The following NRF1 variants were observed in gnomAD, a reference collection of about 807,000 sequenced individuals.
The protein encoded by NRF1 is nuclear respiratory factor 1, also known as alpha palindromic-binding protein.
Under a neutral mutation model 58.5 loss-of-function variants are expected in NRF1, and 5 were observed. That is an observed-to-expected ratio of 0.09 (90% CI 0.04 to 0.18). The LOEUF (loss-of-function observed/expected upper bound fraction) is 0.18, where lower values mean the gene tolerates loss of function less well. NRF1 is among the 10% of genes least tolerant of loss of function. The pLI is 1.00. For synonymous variants in NRF1, 224 were observed against 246.7 expected (o/e 0.91, Z 0.86); for missense variants, 288 against 657.7 (o/e 0.44, Z 6.15).
intron 5 of NRF1, among the ~76,000 whole-genome samples, chr7:129,700,216 C>T (rs1254353929): frequency 1.3e-5 from 2 of 151,620 alleles, no homozygotes; most frequent in African/African-American, 2.4e-5. Context: ...CTAAATGGTA[C>T]ATGTTAAAAT....
At chr7:129,689,101 A>T (rs1470283256) in intron 4 of NRF1, among the ~76,000 whole-genome samples, 5 of 152,194 alleles carry the variant, frequency 3.3e-5, no homozygotes, top group Non-Finnish European at 5.9e-5. Context: ...CCAGGATACA[A>T]CTGAATCTCT....
intron 4 of NRF1, among the ~76,000 whole-genome samples, chr7:129,681,574 T>A (rs141549124): frequency 1.3e-5 from 2 of 152,212 alleles, no homozygotes; most frequent in African/African-American, 4.8e-5. Flanking sequence ...AGTATTTATT[T>A]ATTAATTTAT....
Position 129,700,319 on chromosome 7 carries a change from A to C in NRF1, c.607-8756A>C, listed in dbSNP as rs1169002611. Among the ~76,000 whole-genome samples, 3 of 152,160 alleles carry C rather than the reference A, an allele frequency of 2.0e-5. No individual in the cohort carries two copies. In the East Asian group the frequency reaches 5.8e-4, roughly 29 times the overall value. On this transcript the variant is annotated intron_variant, in intron 5 of 10. Transcript: ENST00000393232. ...AGTATTTTAGTTTGGTGGTTCTCAA[A>C]ATTGGCTGCATAGTAGAGTCACCTA...
At chr7:129,640,845 C>G (rs1400935615) in intron 1 of NRF1, among the ~76,000 whole-genome samples, 1 of 152,156 alleles carries the variant, frequency 6.6e-6, no homozygotes, top group East Asian at 1.9e-4. Context: ...AAGTCTTAAG[C>G]ATTTTAGGTT....
intron 9 of NRF1, among the ~76,000 whole-genome samples, chr7:129,723,305 T>A (rs1370954937): frequency 6.6e-6 from 1 of 151,946 alleles, no homozygotes; most frequent in African/African-American, 2.4e-5. Flanking sequence ...TAGCCGGGCA[T>A]GGTGGCGGGT....
At chr7:129,620,795 T>A (rs1320089834) in intron 1 of NRF1, among the ~76,000 whole-genome samples, 3 of 152,316 alleles carry the variant, frequency 2.0e-5, no homozygotes, top group East Asian at 1.9e-4. Context: ...TCAGAAAAAA[T>A]TCATTTTTAA....
chr7:129,730,292 T>G (rs1803550758), intron 10 of NRF1, among the ~76,000 whole-genome samples: 1 of 152,140 alleles, frequency 6.6e-6, no homozygotes, highest in African/African-American at 2.4e-5. Flanking sequence ...CCCAAAGTGC[T>G]GGGATTATAG....
chr7:129,649,075 C>T (rs1357996038), intron 1 of NRF1, among the ~76,000 whole-genome samples: 2 of 151,920 alleles, frequency 1.3e-5, no homozygotes, highest in African/African-American at 2.4e-5. Context: ...ACAATTAAGC[C>T]ACATTTTACT....
At chr7:129,627,937 A>C (rs1309424419) in intron 1 of NRF1, among the ~76,000 whole-genome samples, 1 of 152,004 alleles carries the variant, frequency 6.6e-6, no homozygotes, top group Non-Finnish European at 1.5e-5. Flanking sequence ...GAAGAGCAGG[A>C]ATGCCCAGGA....
In NRF1 at chr7:129,619,423, TATATATATATAC is replaced by T. The variant is rs1412979770; in HGVS notation, c.-7+7601_-7+7612del. On this transcript the variant is annotated intron_variant, in intron 1 of 10. Transcript: ENST00000393232. The stretch of plus-strand genomic sequence containing the variant: ...ATATATATATATATATATATATATA[TATATATATATAC>T]ACACACACACACATATATATACACG... Among the ~76,000 whole-genome samples, 57 of 87,354 alleles carry T rather than the reference TATATATATATAC, an allele frequency of 6.5e-4. 4 individuals carry two copies. Among genetic ancestry groups the T allele is most frequent in the African/African-American group, 2.1e-3 (30 of 14,508 alleles). The allele number at this position is 87,354 out of a possible 152,430, so 57.3% of individuals were successfully genotyped here. A position where few individuals can be genotyped will look rare whatever the true frequency, so the allele number is the denominator to read the frequency against.
chr7:129,735,635 G>A (rs1038120821), intron 10 of NRF1, among the ~76,000 whole-genome samples: 3 of 151,858 alleles, frequency 2.0e-5, no homozygotes, highest in South Asian at 2.1e-4. Context: ...TCAGGGTAGC[G>A]TGTCCCACGT....
At chr7:129,735,230 G>A (rs927954557) in intron 10 of NRF1, 1 of 985,410 alleles carries the variant, frequency 1.0e-6, no homozygotes, top group Non-Finnish European at 1.2e-6. Flanking sequence ...TGGACTGGAG[G>A]GCTGTTTAAA....
chr7:129,621,033 C>T (rs191610207), intron 1 of NRF1, among the ~76,000 whole-genome samples: 102 of 152,216 alleles, frequency 6.7e-4, no homozygotes, highest in African/African-American at 2.5e-3. Context: ...TTTCTAAAGT[C>T]GTGAATAAAA....
intron 9 of NRF1, among the ~76,000 whole-genome samples, chr7:129,727,004 A>G (rs979483395): frequency 2.0e-5 from 3 of 152,246 alleles, no homozygotes; most frequent in African/African-American, 7.2e-5. Flanking sequence ...CGAGGTTCTG[A>G]GAAACTCTCA....
At chr7:129,637,024 A>G (rs1021762688) in intron 1 of NRF1, among the ~76,000 whole-genome samples, 3 of 152,182 alleles carry the variant, frequency 2.0e-5, no homozygotes, top group South Asian at 2.1e-4. Context: ...CCAGTCAATA[A>G]GACAGGGCTT....
chr7:129,709,697 C>A, intron 6 of NRF1, among the ~76,000 whole-genome samples: 1 of 149,458 alleles, frequency 6.7e-6, no homozygotes, highest in Non-Finnish European at 1.5e-5. Context: ...ACTTTTTTTG[C>A]GTATTTATTT....
At chr7:129,660,902 A>G (rs901663879) in intron 2 of NRF1, among the ~76,000 whole-genome samples, 6 of 150,766 alleles carry the variant, frequency 4.0e-5, no homozygotes, top group Non-Finnish European at 8.8e-5. Flanking sequence ...TCCCTTACAC[A>G]CTGTACTTGC....
chr7:129,624,944 G>C (rs756371400), intron 1 of NRF1, among the ~76,000 whole-genome samples: 5 of 152,186 alleles, frequency 3.3e-5, no homozygotes, highest in South Asian at 2.1e-4. Context: ...GAGAGAGAGA[G>C]TTTGTGGACT....
chr7:129,669,884 C>A (rs1317485008), intron 2 of NRF1, among the ~76,000 whole-genome samples: 4 of 152,168 alleles, frequency 2.6e-5, no homozygotes, highest in African/African-American at 4.8e-5. Context: ...AAAGAGATAT[C>A]CACACTCCCT....
Sources: gnomAD v4.1 joint callset for allele counts (sites outside exome capture counted in the v4.1 genomes callset) on GRCh38, gnomAD v4.1.1 for gene constraint, MANE v1.5 for transcripts, NCBI Gene and HGNC (gene_info 2026-07-23, HGNC 2026-07-21) for gene names.